Variants in SEMA6D observed in about 807,000 individuals in gnomAD.
SEMA6D encodes semaphorin 6D, also known as semaphorin-6D.
Under a neutral mutation model 106.6 loss-of-function variants are expected in SEMA6D, and 35 were observed. The observed-to-expected ratio is 0.33, with a 90% confidence interval of 0.25 to 0.44. SEMA6D has a LOEUF of 0.44. Ranked by LOEUF, SEMA6D falls within the 20% of genes least tolerant of loss-of-function variation. The pLI is 1.00. For missense variants in SEMA6D, 1,185 were observed against 1,345.9 expected (o/e 0.88, Z 1.87); for synonymous variants, 499 against 487.7 (o/e 1.02, Z -0.31).
At chr15:47,705,135 A>C (rs1567001398) in intron 4 of SEMA6D, among the ~76,000 whole-genome samples, 1 of 152,142 alleles carries the variant, frequency 6.6e-6, no homozygotes, top group African/African-American at 2.4e-5. Flanking sequence ...TTTACTCTGA[A>C]GCACCTATGG....
chr15:47,694,840 G>A (rs1358588676), intron 4 of SEMA6D, among the ~76,000 whole-genome samples: 1 of 152,072 alleles, frequency 6.6e-6, no homozygotes, highest in Non-Finnish European at 1.5e-5. Flanking sequence ...GTCATGGCAG[G>A]GAAGGTTGGT....
At chr15:47,511,984 C>A (rs1359324603) in intron 3 of SEMA6D, among the ~76,000 whole-genome samples, 1 of 152,260 alleles carries the variant, frequency 6.6e-6, no homozygotes, top group Non-Finnish European at 1.5e-5. Flanking sequence ...ATTTAAATAC[C>A]AAGTGTTTGA....
intron 1 of SEMA6D, among the ~76,000 whole-genome samples, chr15:47,247,088 C>T (rs919152672): frequency 7.9e-5 from 12 of 152,146 alleles, no homozygotes; most frequent in African/African-American, 2.9e-4. Flanking sequence ...CCTTTGCTAA[C>T]TGCAAGTAGA....
chr15:47,195,058 T>C (rs1244443102), intron 1 of SEMA6D, among the ~76,000 whole-genome samples: 1 of 152,230 alleles, frequency 6.6e-6, no homozygotes, highest in Non-Finnish European at 1.5e-5. Flanking sequence ...CATTTCCAGA[T>C]GCCTATTTCT....
chr15:47,362,667 A>T (rs1167428362), intron 1 of SEMA6D, among the ~76,000 whole-genome samples: 2 of 152,088 alleles, frequency 1.3e-5, no homozygotes, highest in Admixed American at 1.3e-4. Context: ...GAGCCTCCTA[A>T]CCACCGGTTT....
At chr15:47,733,497 G>C (rs1438379417) in intron 1 of SEMA6D, among the ~76,000 whole-genome samples, 1 of 152,090 alleles carries the variant, frequency 6.6e-6, no homozygotes, top group Non-Finnish European at 1.5e-5. Flanking sequence ...CTTCACTCAG[G>C]CTTCATTGAA....
At chr15:47,206,787 A>G (rs1446732684) in intron 1 of SEMA6D, among the ~76,000 whole-genome samples, 1 of 152,126 alleles carries the variant, frequency 6.6e-6, no homozygotes, top group East Asian at 1.9e-4. Context: ...CCTATCTGTC[A>G]CAACAGCATT....
At chr15:47,756,931 A>G (rs1206870929) in intron 1 of SEMA6D, among the ~76,000 whole-genome samples, 1 of 129,396 alleles carries the variant, frequency 7.7e-6, no homozygotes, top group Non-Finnish European at 1.6e-5. Context: ...ATACAGCTTT[A>G]TGCAGAGACA....
chr15:47,224,154 T>TA (rs1314374879), intron 1 of SEMA6D, among the ~76,000 whole-genome samples: 2 of 134,016 alleles, frequency 1.5e-5, no homozygotes, highest in Non-Finnish European at 3.2e-5. Flanking sequence ...ACTTAAAGTA[T>TA]AATAATAAAA....
At chr15:47,710,350 T>A (rs1224662) in intron 4 of SEMA6D, among the ~76,000 whole-genome samples, 139,493 of 152,230 alleles carry the variant, frequency 0.92, 64,509 homozygotes, top group Non-Finnish European at 0.95. Context: ...ATTTTTGAGT[T>A]AACATATTTA....
intron 1 of SEMA6D, among the ~76,000 whole-genome samples, chr15:47,254,875 T>TTGTGTGTG (rs58271041): frequency 0.13 from 17,059 of 134,216 alleles, 1,203 homozygotes; most frequent in African/African-American, 0.17. Context: ...ACCTGTGGTT[T>TTGTGTGTG]TGTGTGTGTG....
At chr15:47,577,674 C>T (rs549926541) in intron 3 of SEMA6D, among the ~76,000 whole-genome samples, 1 of 152,262 alleles carries the variant, frequency 6.6e-6, no homozygotes, top group South Asian at 2.1e-4. Context: ...GGGAACTGGA[C>T]AGTGATTGAG....
chr15:47,659,268 T>C (rs2077868383), intron 4 of SEMA6D, among the ~76,000 whole-genome samples: 1 of 151,836 alleles, frequency 6.6e-6, no homozygotes. Flanking sequence ...GTCAATAAAA[T>C]AGGATAGAGT....
chr15:47,517,870 T>G (rs2044439521), intron 3 of SEMA6D, among the ~76,000 whole-genome samples: 1 of 152,212 alleles, frequency 6.6e-6, no homozygotes, highest in Non-Finnish European at 1.5e-5. Context: ...CTCAATCTTC[T>G]GGAAATGTCT....
chr15:47,631,383 G>A (rs1296901290), intron 4 of SEMA6D, among the ~76,000 whole-genome samples: 1 of 151,504 alleles, frequency 6.6e-6, no homozygotes, highest in Non-Finnish European at 1.5e-5. Context: ...GTTATCTGCT[G>A]TACTCTGTGG....
chr15:47,588,999 A>G (rs1341698185), intron 3 of SEMA6D, among the ~76,000 whole-genome samples: 2 of 152,236 alleles, frequency 1.3e-5, no homozygotes, highest in Non-Finnish European at 2.9e-5. Flanking sequence ...TACGGTGCAC[A>G]GAACAGACCC....
intron 4 of SEMA6D, among the ~76,000 whole-genome samples, chr15:47,671,887 G>A (rs760579079): frequency 1.4e-4 from 21 of 152,190 alleles, no homozygotes; most frequent in Non-Finnish European, 2.2e-4. Context: ...CTTTGTGGAT[G>A]TGTGTGGGTG....
chr15:47,377,325 G>A (rs1009151426), intron 1 of SEMA6D, among the ~76,000 whole-genome samples: 3 of 152,160 alleles, frequency 2.0e-5, no homozygotes, highest in Non-Finnish European at 4.4e-5. Context: ...ATAGGTACAA[G>A]TGGCCACATG....
At chr15:47,425,253 G>A (rs1272554359) in intron 2 of SEMA6D, among the ~76,000 whole-genome samples, 1 of 151,876 alleles carries the variant, frequency 6.6e-6, no homozygotes, top group Non-Finnish European at 1.5e-5. Flanking sequence ...TTATTTTGGG[G>A]GAGGAAAAAG....
Sources: allele counts gnomAD v4.1 joint callset (sites outside exome capture counted in the v4.1 genomes callset), GRCh38; gene constraint gnomAD v4.1.1; transcripts MANE v1.5; gene names NCBI Gene and HGNC (gene_info 2026-07-23, HGNC 2026-07-21).